BLTP3A: variants seen among roughly 807,000 people sequenced by gnomAD.
BLTP3A encodes the protein ICBP90 binding protein 1.
the BLTP3A span, chr6:34,855,928 T>C: frequency 4.1e-6 from 4 of 984,352 alleles, no homozygotes; most frequent in Non-Finnish European, 4.8e-6. Context: ...GGGAGATATC[T>C]AGTGCCTGAG....
At chr6:34,834,304 C>T in the BLTP3A span, 13 of 1,614,004 alleles carry the variant, frequency 8.1e-6, no homozygotes, top group East Asian at 4.5e-5. Flanking sequence ...AGGCCTTCCA[C>T]GCTTCTTTTG....
the BLTP3A span, chr6:34,864,331 A>G: frequency 1.0e-6 from 1 of 974,278 alleles, no homozygotes; most frequent in Non-Finnish European, 1.5e-6. Context: ...AAGACAAAAA[A>G]AGAGAGACAG....
At chr6:34,843,679 A>G in the BLTP3A span, among the ~76,000 whole-genome samples, 49 of 152,358 alleles carry the variant, frequency 3.2e-4, no homozygotes, top group African/African-American at 1.1e-3. Context: ...AATCTTGGCT[A>G]TTATGAATAG....
the BLTP3A span, among the ~76,000 whole-genome samples, chr6:34,847,206 C>T: frequency 0.023 from 3,534 of 151,474 alleles, 60 homozygotes; most frequent in Non-Finnish European, 0.036. Flanking sequence ...TCAGGAAGAT[C>T]GGCCTGTAGT....
At chr6:34,821,949 T>C in the BLTP3A span, 2 of 1,614,192 alleles carry the variant, frequency 1.2e-6, no homozygotes, top group African/African-American at 1.3e-5. Context: ...CACACCCTAT[T>C]TGCTTGGTAA....
chr6:34,845,753 C>T, the BLTP3A span, among the ~76,000 whole-genome samples: 10 of 152,010 alleles, frequency 6.6e-5, 1 homozygote, highest in East Asian at 1.9e-4. Context: ...CCCACCACCA[C>T]GCCTGGCTAA....
chr6:34,812,294 A>C, the BLTP3A span, among the ~76,000 whole-genome samples: 2 of 150,422 alleles, frequency 1.3e-5, no homozygotes, highest in African/African-American at 4.9e-5. Flanking sequence ...GAGCCACTGC[A>C]CTCTAGCCTG....
the BLTP3A span, among the ~76,000 whole-genome samples, chr6:34,831,972 G>A: frequency 1.3e-5 from 2 of 151,596 alleles, no homozygotes; most frequent in African/African-American, 2.4e-5. Context: ...GCACCACCAC[G>A]CCTAGCTAAT....
the BLTP3A span, among the ~76,000 whole-genome samples, chr6:34,808,212 G>A: frequency 4.4e-4 from 67 of 151,500 alleles, no homozygotes; most frequent in Admixed American, 3.0e-3. Flanking sequence ...GCGTGGTGGC[G>A]GGCACCTGTA....
chr6:34,838,584 T>C, the BLTP3A span, among the ~76,000 whole-genome samples: 1 of 152,344 alleles, frequency 6.6e-6, no homozygotes, highest in East Asian at 1.9e-4. Context: ...GGCTACCTTA[T>C]ATCCAGACCT....
chr6:34,819,144 TTTTTTTTTTTAC>T, the BLTP3A span, among the ~76,000 whole-genome samples: 2 of 142,562 alleles, frequency 1.4e-5, no homozygotes, highest in African/African-American at 5.3e-5. Flanking sequence ...AGTTTTTCTT[TTTTTTTTTTTAC>T]TTTTTTTTTT....
the BLTP3A span, among the ~76,000 whole-genome samples, chr6:34,813,913 A>G: frequency 6.6e-6 from 1 of 152,220 alleles, no homozygotes; most frequent in Non-Finnish European, 1.5e-5. Flanking sequence ...GGCCTCTTAT[A>G]TAATTCTCAG....
the BLTP3A span, among the ~76,000 whole-genome samples, chr6:34,801,782 C>T: frequency 6.1e-3 from 925 of 152,058 alleles, 10 homozygotes; most frequent in African/African-American, 0.021. Context: ...AGTGCAGTGG[C>T]GCCATCTCCG....
At chr6:34,867,863 T>C in the BLTP3A span, among the ~76,000 whole-genome samples, 1 of 152,204 alleles carries the variant, frequency 6.6e-6, no homozygotes. Context: ...CTGGAGCTTA[T>C]AGATGAGGAC....
the BLTP3A span, among the ~76,000 whole-genome samples, chr6:34,840,426 C>CG: frequency 6.8e-6 from 1 of 147,090 alleles, no homozygotes; most frequent in Non-Finnish European, 1.5e-5. Context: ...ATTAGCTGGG[C>CG]GTGGTGGCAG....
chr6:34,835,285 C>T, the BLTP3A span: 1 of 1,613,194 alleles, frequency 6.2e-7, no homozygotes, highest in Admixed American at 1.7e-5. Flanking sequence ...TTGTCTGTGG[C>T]TTCCTCAGAC....
the BLTP3A span, among the ~76,000 whole-genome samples, chr6:34,861,866 T>C: frequency 6.6e-6 from 1 of 152,234 alleles, no homozygotes; most frequent in Admixed American, 6.5e-5. Context: ...GTTATAAGCA[T>C]AAGCCACTTC....
At chr6:34,794,136 G>C in the BLTP3A span, among the ~76,000 whole-genome samples, 1 of 149,642 alleles carries the variant, frequency 6.7e-6, no homozygotes, top group South Asian at 2.1e-4. Flanking sequence ...CTCCAGCCTA[G>C]GTGACAGAGC....
chr6:34,845,198 T>C, the BLTP3A span, among the ~76,000 whole-genome samples: 1 of 152,238 alleles, frequency 6.6e-6, no homozygotes, highest in African/African-American at 2.4e-5. Flanking sequence ...CTGAGTTCTT[T>C]ATTTTGTTCC....
Sources: allele counts gnomAD v4.1 joint callset (sites outside exome capture counted in the v4.1 genomes callset), GRCh38; gene constraint gnomAD v4.1.1; transcripts MANE v1.5; gene names NCBI Gene and HGNC (gene_info 2026-07-23, HGNC 2026-07-21).